The following HPCAL4 variants were observed in gnomAD, a reference collection of about 807,000 sequenced individuals.
HPCAL4 encodes hippocalcin like 4, also known as hippocalcin-like protein 4.
Under a neutral mutation model 18.2 loss-of-function variants are expected in HPCAL4, and 16 were observed. That is an observed-to-expected ratio of 0.88 (90% CI 0.59 to 1.33). The LOEUF (loss-of-function observed/expected upper bound fraction) is 1.33. Ranked by LOEUF, HPCAL4 falls within the 40% of genes most tolerant of loss-of-function variation. The pLI is 0.00. For synonymous variants in HPCAL4, 80 were observed against 97.5 expected, an observed-to-expected ratio of 0.82 and a Z score of 1.06; for missense variants, 214 against 256.6, an observed-to-expected ratio of 0.83 and a Z score of 1.14.
At chr1:39,686,434 G>C (rs1322409591) in intron 1 of HPCAL4, among the ~76,000 whole-genome samples, 1 of 152,198 alleles carries the variant, frequency 6.6e-6, no homozygotes, top group Non-Finnish European at 1.5e-5. Context: ...GCAGGGAGGG[G>C]CCTGCTACAC....
chr1:39,684,642 TC>T, intron 1 of HPCAL4, 31 bp from the exon 2 acceptor site: 1 of 1,529,826 alleles, frequency 6.5e-7, no homozygotes. Flanking sequence ...TCCGACTGGG[TC>T]CAGGGAAAGG....
rs754237456 is a variant in HPCAL4, at chr1:39,684,435, C to T, written c.162+7G>A. ...TGGCTCCCTCACACCAGGTGCCGGC[C>T]GCCCACCTTGATGTAGAGCTGCTGA... is the stretch of plus-strand genomic sequence containing the variant. On this transcript the variant is annotated splice_region_variant and intron_variant, in intron 2 of 3. Transcript: ENST00000372844. 6.3e-7 allele frequency: 1 copy of T among 1,588,980 alleles called. No individual in the cohort carries two copies. Among genetic ancestry groups the T allele is most frequent in the East Asian group, 2.2e-5 (1 of 44,696 alleles).
At chr1:39,682,873 T>C (rs942850434) in intron 3 of HPCAL4, 140 bp from the exon 4 acceptor site, 3 of 631,848 alleles carry the variant, frequency 4.7e-6, no homozygotes, top group African/African-American at 3.7e-5. Flanking sequence ...TAAGACTGGA[T>C]ATTTAATGAG....
At chr1:39,687,731 C>T (rs1395397354) in intron 1 of HPCAL4, among the ~76,000 whole-genome samples, 1 of 152,050 alleles carries the variant, frequency 6.6e-6, no homozygotes, top group Non-Finnish European at 1.5e-5. Context: ...TAAGGAAACC[C>T]TGTTTCTACA....
chr1:39,687,222 T>G (rs570107013), intron 1 of HPCAL4, among the ~76,000 whole-genome samples: 1 of 152,176 alleles, frequency 6.6e-6, no homozygotes, highest in Non-Finnish European at 1.5e-5. Flanking sequence ...TTCAGGAACC[T>G]GAGGCTGGGC....
At position 39,682,288 on chromosome 1, in the gene HPCAL4, T is replaced by C. The variant is rs1646632798; in HGVS notation, c.*248A>G. 3 of 523,996 alleles carry C rather than the reference T, an allele frequency of 5.7e-6. No individual in the cohort carries two copies. The highest frequency in any genetic ancestry group is 1.9e-5 in the African/African-American group (1 of 52,336). The allele number at this position is 523,996 out of a possible 1,614,324, so 32.5% of individuals were successfully genotyped here. A position where few individuals can be genotyped will look rare whatever the true frequency, so the allele number is the denominator to read the frequency against. On this transcript the variant is annotated 3_prime_UTR_variant, in exon 4 of 4. Coordinates refer to ENST00000372844, the MANE Select transcript of HPCAL4 (RefSeq NM_016257.4). ...CAAAAGCCAACTCCCCTATGCCCAA[T>C]GGACATTGGTTCTGGCCAAGTGGGA...
rs1414196413 is a variant in HPCAL4, at chr1:39,680,827, C to G, written c.*1709G>C. On this transcript the variant is annotated 3_prime_UTR_variant, in exon 4 of 4. Transcript: ENST00000372844. ...ACCAAGCTCTATTGATCAGCATCCC[C>G]CAGAGTTTTCACCTGCAGAGAAGCA... 1 of 152,542 alleles carries G rather than the reference C, an allele frequency of 6.6e-6. No individual in the cohort carries two copies. The highest frequency in any genetic ancestry group is 1.5e-5 in the Non-Finnish European group (1 of 68,050). 9.4% of individuals were successfully genotyped at this position (152,542 alleles called of 1,614,324 possible). A position where few individuals can be genotyped will look rare whatever the true frequency, so the allele number is the denominator to read the frequency against.
intron 1 of HPCAL4, among the ~76,000 whole-genome samples, chr1:39,685,655 GGATCACGAAGTCAGGT>G (rs1646666983): frequency 6.6e-6 from 1 of 152,102 alleles, no homozygotes; most frequent in Non-Finnish European, 1.5e-5. Context: ...CAAGGTGGGT[GGATCACGAAGTCAGGT>G]GATCAAGACC....
In HPCAL4 at chr1:39,681,243, A is replaced by G. The variant is rs1424859417; in HGVS notation, c.*1293T>C. The G allele has an allele frequency of 6.6e-6, 1 of 152,158 alleles. No homozygotes were observed. The highest frequency in any genetic ancestry group is 1.5e-5 in the Non-Finnish European group (1 of 68,024). 9.4% of individuals were successfully genotyped at this position (152,158 alleles called of 1,614,324 possible). Reference sequence around the variant, plus strand: ...CTCTCAAACAGAGCATGCCTGGCACATTTTTAGGCATTTCGTCCATAAATT... The same window carrying G: ...CTCTCAAACAGAGCATGCCTGGCACGTTTTTAGGCATTTCGTCCATAAATT... On this transcript the variant is annotated 3_prime_UTR_variant, in exon 4 of 4. Coordinates refer to ENST00000372844, the MANE Select transcript of HPCAL4 (RefSeq NM_016257.4).
At chr1:39,690,376 T>TA (rs1191446178) in intron 1 of HPCAL4, among the ~76,000 whole-genome samples, 1 of 152,108 alleles carries the variant, frequency 6.6e-6, no homozygotes, top group Non-Finnish European at 1.5e-5. Flanking sequence ...GCCCTCCAGG[T>TA]ATAGTTCACT....
chr1:39,689,695 G>A (rs1461343037), intron 1 of HPCAL4, among the ~76,000 whole-genome samples: 1 of 152,210 alleles, frequency 6.6e-6, no homozygotes, highest in Non-Finnish European at 1.5e-5. Flanking sequence ...GTGCCCAGAG[G>A]TTTCTTCAAG....
chr1:39,684,159 G>A lies in HPCAL4; in HGVS notation c.163-7C>T, dbSNP rs377003869. On this transcript the variant is annotated splice_region_variant and splice_polypyrimidine_tract_variant and intron_variant, in intron 2 of 3. Coordinates refer to ENST00000372844, the MANE Select transcript of HPCAL4 (RefSeq NM_016257.4). ...CGTCGCCGTAGGGGAAGAACTGAGG[G>A]GGGTGCGGTGGGTTGGGGCGCAGCG... is the stretch of plus-strand genomic sequence containing the variant. 23 of 1,607,610 alleles carry A rather than the reference G, an allele frequency of 1.4e-5. No individual in the cohort carries two copies. The highest frequency in any genetic ancestry group is 2.2e-5 in the East Asian group (1 of 44,684).
Position 39,679,152 on chromosome 1 carries a change from A to T in HPCAL4, c.*3384T>A, listed in dbSNP as rs1646599411. 1 of 151,756 alleles carries T rather than the reference A, an allele frequency of 6.6e-6. No homozygotes were observed. The highest frequency in any genetic ancestry group is 1.5e-5 in the Non-Finnish European group (1 of 67,984). The allele number at this position is 151,756 out of a possible 1,614,324, so 9.4% of individuals were successfully genotyped here. A position where few individuals can be genotyped will look rare whatever the true frequency, so the allele number is the denominator to read the frequency against. On this transcript the variant is annotated 3_prime_UTR_variant, in exon 4 of 4. Coordinates refer to ENST00000372844, the MANE Select transcript of HPCAL4 (RefSeq NM_016257.4). ...ATACATTTTTGTGTAAAAAATATTTAGTGTCAGCTTACTACCCTGCCTGGA... is the reference window on the plus strand; with the variant it reads ...ATACATTTTTGTGTAAAAAATATTTTGTGTCAGCTTACTACCCTGCCTGGA...
intron 3 of HPCAL4, among the ~76,000 whole-genome samples, chr1:39,682,952 C>T (rs561562420): frequency 1.1e-3 from 173 of 152,092 alleles, no homozygotes; most frequent in Admixed American, 3.8e-3. Context: ...GGCGCGATCT[C>T]GGCTTACTGC....
At chr1:39,687,153 C>T (rs1646682146) in intron 1 of HPCAL4, among the ~76,000 whole-genome samples, 1 of 152,204 alleles carries the variant, frequency 6.6e-6, no homozygotes, top group Non-Finnish European at 1.5e-5. Context: ...CTTCCCCACT[C>T]CCAGAGGATG....
At chr1:39,686,122 G>A (rs1440552646) in intron 1 of HPCAL4, among the ~76,000 whole-genome samples, 10 of 150,396 alleles carry the variant, frequency 6.6e-5, no homozygotes, top group South Asian at 2.1e-4. Context: ...CGGAGCTTGC[G>A]GTGAGCCGAG....
chr1:39,682,017 C>G lies in HPCAL4; in HGVS notation c.*519G>C, dbSNP rs1646630130. Reference sequence around the variant, plus strand: ...ATATCCTTAGCACCAAACAGGTGCTCAGTAATCATTAGCTGAAGAAAGGAC... The same window carrying G: ...ATATCCTTAGCACCAAACAGGTGCTGAGTAATCATTAGCTGAAGAAAGGAC... On this transcript the variant is annotated 3_prime_UTR_variant, in exon 4 of 4. Transcript: ENST00000372844. The G allele has an allele frequency of 6.1e-6, 1 of 163,734 alleles. No individual in the cohort carries two copies. Among genetic ancestry groups the G allele is most frequent in the Non-Finnish European group, 1.3e-5 (1 of 74,582 alleles). The allele number at this position is 163,734 out of a possible 1,614,324, so 10.1% of individuals were successfully genotyped here.
chr1:39,682,879 A>G (rs1391695724), intron 3 of HPCAL4, 146 bp from the exon 4 acceptor site: 12 of 622,770 alleles, frequency 1.9e-5, no homozygotes, highest in Admixed American at 2.8e-5. Flanking sequence ...TGGATATTTA[A>G]TGAGCAACTC....
rs1034737246 is a variant in HPCAL4 at position 39,681,368 on chromosome 1, A to G, written c.*1168T>C. On this transcript the variant is annotated 3_prime_UTR_variant, in exon 4 of 4. Transcript: ENST00000372844. ...CAAGTCCAGTTCTGAAACTAAACCC[A>G]ATCCAGAAACGAACTACCAAGATAC... 2.0e-5 allele frequency: 3 copies of G among 152,240 alleles called. No homozygotes were observed. Among genetic ancestry groups the G allele is most frequent in the African/African-American group, 7.2e-5 (3 of 41,466 alleles). The allele number at this position is 152,240 out of a possible 1,614,324, so 9.4% of individuals were successfully genotyped here.
Sources: allele counts gnomAD v4.1 joint callset (sites outside exome capture counted in the v4.1 genomes callset), GRCh38; gene constraint gnomAD v4.1.1; transcripts MANE v1.5; gene names NCBI Gene and HGNC (gene_info 2026-07-23, HGNC 2026-07-21).